FAM193A: variants seen among roughly 807,000 people sequenced by gnomAD.
The protein encoded by FAM193A is family with sequence similarity 193 member A.
In FAM193A, 22 loss-of-function variants were observed where a neutral mutation model predicts 126.5. The observed-to-expected ratio is 0.17, with a 90% CI of 0.12 to 0.25. FAM193A has a LOEUF of 0.25. Ranked by LOEUF, FAM193A falls within the 10% of genes least tolerant of loss-of-function variation. The pLI is 1.00. For missense variants in FAM193A, 1,675 were observed against 1,672.8 expected (o/e 1.00, Z -0.02); for synonymous variants, 761 against 646.8 (o/e 1.18, Z -2.68).
intron 1 of FAM193A, among the ~76,000 whole-genome samples, chr4:2,544,328 G>T (rs932571354): frequency 1.3e-5 from 2 of 152,256 alleles, no homozygotes; most frequent in South Asian, 4.2e-4. Context: ...GGAAGGCCGA[G>T]GTGGGAGAAT....
chr4:2,617,239 A>ATT (rs1370769214), intron 2 of FAM193A, among the ~76,000 whole-genome samples: 4,530 of 39,514 alleles, frequency 0.11, 826 homozygotes, highest in Non-Finnish European at 0.14. Flanking sequence ...GTATGTTTTT[A>ATT]TTATATATAT....
chr4:2,653,261 T>G (rs1225419454), intron 7 of FAM193A, among the ~76,000 whole-genome samples: 1 of 152,206 alleles, frequency 6.6e-6, no homozygotes, highest in Non-Finnish European at 1.5e-5. Flanking sequence ...TTATATATGG[T>G]ATTATTGCTG....
intron 20 of FAM193A, among the ~76,000 whole-genome samples, chr4:2,721,441 T>G (rs1720144905): frequency 6.6e-6 from 1 of 151,890 alleles, no homozygotes; most frequent in Non-Finnish European, 1.5e-5. Flanking sequence ...TGAGCTATGC[T>G]TACGCCACCT....
At chr4:2,578,522 T>G (rs575141429) in intron 1 of FAM193A, among the ~76,000 whole-genome samples, 279 of 152,180 alleles carry the variant, frequency 1.8e-3, no homozygotes, top group African/African-American at 6.2e-3. Context: ...AATTCTTGCT[T>G]AAGGGTAAAC....
chr4:2,555,964 G>A (rs868605118), intron 1 of FAM193A, among the ~76,000 whole-genome samples: 1 of 150,246 alleles, frequency 6.7e-6, no homozygotes, highest in African/African-American at 2.5e-5. Context: ...GAGTGCCATG[G>A]CCTGATCTCG....
Position 2,647,286 on chromosome 4 carries a change from C to T in FAM193A, c.1311+454C>T, listed in dbSNP as rs140020083. Among the ~76,000 whole-genome samples the T allele has an allele frequency of 4.1e-3, 621 of 152,224 alleles. 4 individuals are homozygous for T. The highest frequency in any genetic ancestry group is 0.014 in the African/African-American group (596 of 41,524). On this transcript the variant is annotated intron_variant, in intron 7 of 20. Coordinates refer to ENST00000637812, the MANE Select transcript of FAM193A (RefSeq NM_001366318.2). Reference sequence around the variant, plus strand: ...TCAGCCTCCCGAGTAGCTGGGATTACAGGCATGCACCAACCATGCCTGGCT... The same window carrying T: ...TCAGCCTCCCGAGTAGCTGGGATTATAGGCATGCACCAACCATGCCTGGCT...
chr4:2,629,219 CAA>C (rs150200524), intron 4 of FAM193A, among the ~76,000 whole-genome samples: 2 of 135,806 alleles, frequency 1.5e-5, no homozygotes. Context: ...CAGAAATAGA[CAA>C]AAAAAAAAAA....
intron 3 of FAM193A, 33 bp from the exon 4 acceptor site, chr4:2,626,377 G>A: frequency 1.5e-6 from 1 of 684,868 alleles, no homozygotes. Flanking sequence ...GCAGATTGTG[G>A]TGACTTTCTA....
chr4:2,689,782 G>A, intron 14 of FAM193A, 78 bp downstream of exon 14: 2 of 1,085,720 alleles, frequency 1.8e-6, no homozygotes, highest in Non-Finnish European at 2.6e-6. Context: ...GTCTCCCGTG[G>A]AAGCCCTGGC....
intron 1 of FAM193A, among the ~76,000 whole-genome samples, chr4:2,593,158 T>C (rs1740664240): frequency 6.6e-6 from 1 of 152,124 alleles, no homozygotes; most frequent in East Asian, 1.9e-4. Context: ...CTAGCTCTTC[T>C]CCTCCTCTCA....
rs140470097 is a variant in FAM193A at position 2,584,636 on chromosome 4, A to G, written c.256-11448A>G. On this transcript the variant is annotated intron_variant, in intron 1 of 20. Coordinates refer to ENST00000637812, the MANE Select transcript of FAM193A (RefSeq NM_001366318.2). ...TTCCTTTCTTTTCCTTTCGTTAAAC[A>G]TACTAAATGGCAGGGTGCGGTGGCT... 1.5e-3 allele frequency among the ~76,000 whole-genome samples: 230 copies of G among 152,242 alleles called. 1 individual carries two copies. The highest frequency in any genetic ancestry group is 5.4e-3 in the African/African-American group (225 of 41,544).
chr4:2,587,939 C>T (rs1178792909), intron 1 of FAM193A, among the ~76,000 whole-genome samples: 1 of 152,114 alleles, frequency 6.6e-6, no homozygotes, highest in Non-Finnish European at 1.5e-5. Context: ...CAGTGGTCCT[C>T]AAGTGGCGAC....
chr4:2,562,716 G>A (rs1380300227), intron 1 of FAM193A, among the ~76,000 whole-genome samples: 1 of 150,586 alleles, frequency 6.6e-6, no homozygotes, highest in Non-Finnish European at 1.5e-5. Context: ...CGCAACCTCC[G>A]CCTCCCGGGT....
Position 2,646,673 on chromosome 4 carries a change from T to C in FAM193A, c.1164-12T>C. On this transcript the variant is annotated splice_polypyrimidine_tract_variant and intron_variant, in intron 6 of 20. Coordinates refer to ENST00000637812, the MANE Select transcript of FAM193A (RefSeq NM_001366318.2). ...GGTTCTTTCCTTTGTTACAAGGCCT[T>C]CTCTCTCCTAGGCTAGGAACCACCA... The C allele has an allele frequency of 6.3e-7, 1 of 1,588,722 alleles. No individual in the cohort carries two copies.
chr4:2,615,992 G>A (rs1350898996), intron 2 of FAM193A, among the ~76,000 whole-genome samples: 2 of 152,140 alleles, frequency 1.3e-5, no homozygotes, highest in African/African-American at 2.4e-5. Flanking sequence ...TTGTATTTTA[G>A]TAGAGACAGT....
At chr4:2,623,860 CTG>C (rs1742707985) in intron 2 of FAM193A, among the ~76,000 whole-genome samples, 1 of 152,168 alleles carries the variant, frequency 6.6e-6, no homozygotes. Context: ...TCTCTTGTGA[CTG>C]TATTTCTTTT....
At chr4:2,650,065 A>G (rs1243675696) in intron 7 of FAM193A, among the ~76,000 whole-genome samples, 3 of 152,224 alleles carry the variant, frequency 2.0e-5, no homozygotes, top group Admixed American at 2.0e-4. Context: ...AGATGGGACC[A>G]TCTAGTTGAA....
chr4:2,644,926 AT>A (rs1415992148), intron 6 of FAM193A, among the ~76,000 whole-genome samples: 3 of 152,142 alleles, frequency 2.0e-5, no homozygotes, highest in Non-Finnish European at 4.4e-5. Flanking sequence ...TTTCTTATAC[AT>A]TTTTTCCCTA....
chr4:2,710,602 G>T (rs1485875215), intron 19 of FAM193A, among the ~76,000 whole-genome samples: 3 of 151,092 alleles, frequency 2.0e-5, no homozygotes, highest in East Asian at 2.0e-4. Context: ...CCCTGGGCTC[G>T]GGTGATCCTC....
Sources: gnomAD v4.1 joint callset for allele counts (sites outside exome capture counted in the v4.1 genomes callset) on GRCh38, gnomAD v4.1.1 for gene constraint, MANE v1.5 for transcripts, NCBI Gene and HGNC (gene_info 2026-07-23, HGNC 2026-07-21) for gene names.